The following FMNL1 variants were observed in gnomAD, a reference collection of about 807,000 sequenced individuals.
The protein encoded by FMNL1 is formin-like protein 1.
FMNL1 carries 43 observed loss-of-function variants against 121.3 expected under a neutral mutation model. The observed-to-expected ratio is 0.35, with a 90% CI of 0.28 to 0.46. The LOEUF (loss-of-function observed/expected upper bound fraction) is 0.46. Ranked by LOEUF, FMNL1 falls within the 20% of genes least tolerant of loss-of-function variation. The pLI, the probability that FMNL1 is intolerant of heterozygous loss-of-function variation, is 1.00. For synonymous variants in FMNL1, 613 were observed against 613.5 expected (o/e 1.00, Z 0.01); for missense variants, 1,191 against 1,482.4 (o/e 0.80, Z 3.23).
Position 45,241,853 on chromosome 17 carries a change from C to T in FMNL1, c.1592C>T (p.Ala531Val). Residue 531 changes from alanine (A) to valine (V), a missense_variant, in exon 15 of 27, where the codon GCA becomes GTA. Around this residue, in one of 4 missense-constraint regions of FMNL1, gnomAD observed 519 missense variants for 492.8 expected, o/e 1.05. Coordinates refer to ENST00000331495, the MANE Select transcript of FMNL1 (RefSeq NM_005892.4). The surrounding 1 kb of genome is among the most constrained non-coding windows in gnomAD (Gnocchi z 7.0). The stretch of plus-strand genomic sequence containing the variant: ...CGCGCCCTCGCTGGCTCAGATCTCG[C>T]ACCTGCAGCAGAGCCGGCTCCCGGA... ...VPTGSPSPDLAPAAEPAPGAA... is the reference protein window; with the variant it reads ...VPTGSPSPDLVPAAEPAPGAA... The T allele has an allele frequency of 7.0e-7, 1 of 1,434,112 alleles. No individual in the cohort carries two copies. Among genetic ancestry groups the T allele is most frequent in the Middle Eastern group, 2.5e-4 (1 of 3,930 alleles). The allele number at this position is 1,434,112 out of a possible 1,614,324, so 88.8% of individuals were successfully genotyped here. A position where few individuals can be genotyped will look rare whatever the true frequency, so the allele number is the denominator to read the frequency against.
chr17:45,231,593 G>A lies in FMNL1; in HGVS notation c.214-774G>A, dbSNP rs2043438867. On this transcript the variant is annotated intron_variant, in intron 2 of 26. Coordinates refer to ENST00000331495, the MANE Select transcript of FMNL1 (RefSeq NM_005892.4). The surrounding 1 kb of genome is among the most constrained non-coding windows in gnomAD (Gnocchi z 4.7). Reference sequence around the variant, plus strand: ...TGAGGGGTGGCTCGGCGAATCTGAGGGGTTTGGGTTGGAAGGGTGGGGGCC... The same window carrying A: ...TGAGGGGTGGCTCGGCGAATCTGAGAGGTTTGGGTTGGAAGGGTGGGGGCC... Among the ~76,000 whole-genome samples the A allele has an allele frequency of 6.6e-6, 1 of 152,148 alleles. No individual in the cohort carries two copies. The highest frequency in any genetic ancestry group is 6.5e-5 in the Admixed American group (1 of 15,284).
At chr17:45,239,895 A>G (rs2043645055) in intron 11 of FMNL1, among the ~76,000 whole-genome samples, 1 of 150,844 alleles carries the variant, frequency 6.6e-6, no homozygotes, top group African/African-American at 2.5e-5. Flanking sequence ...TCCCGGGTTC[A>G]AGTGATTTTC....
chr17:45,237,400 C>T lies in FMNL1; in HGVS notation c.800+43C>T, dbSNP rs1218157131. 1 of 1,612,458 alleles carries T rather than the reference C, an allele frequency of 6.2e-7. No individual in the cohort carries two copies. The highest frequency in any genetic ancestry group is 1.3e-5 in the African/African-American group (1 of 74,860). On this transcript the variant is annotated intron_variant, in intron 8 of 26. Coordinates refer to ENST00000331495, the MANE Select transcript of FMNL1 (RefSeq NM_005892.4). The surrounding 1 kb of genome is among the most constrained non-coding windows in gnomAD (Gnocchi z 4.4). ...AACCTTTCTCCGTATCTAGAGTCTT[C>T]TCCTACTTAGCCCCTTGCTTACTCT... is the stretch of plus-strand genomic sequence containing the variant.
intron 24 of FMNL1, 81 bp downstream of exon 24, chr17:45,246,054 C>A: frequency 6.6e-7 from 1 of 1,517,212 alleles, no homozygotes; most frequent in East Asian, 2.3e-5. Context: ...CCCCCACACC[C>A]TCACTGTTAC....
chr17:45,245,908 A>G lies in FMNL1; in HGVS notation c.3025A>G (p.Lys1009Glu). 1 of 1,592,588 alleles carries G rather than the reference A, an allele frequency of 6.3e-7. No individual in the cohort carries two copies. The highest frequency in any genetic ancestry group is 8.5e-7 in the Non-Finnish European group (1 of 1,172,782). ...TGAGCAGGAGGTGGAACAGTGGAAA[A>G]AAGAAGCCGCTGCCCAGGAGGCAGG... ...KAEQEVEQWK[K>E]EAAAQEAGAD... is the part of the protein sequence containing the mutation. The change falls in exon 24 of 27, where the codon AAA (lysine) becomes GAA (glutamate). Residue 1009 changes from lysine to glutamate, a missense_variant. By Grantham distance (56) the Lys-to-Glu change is moderately conservative. Coordinates refer to ENST00000331495, the MANE Select transcript of FMNL1 (RefSeq NM_005892.4).
chr17:45,232,994 A>G, intron 3 of FMNL1: 1 of 640,616 alleles, frequency 1.6e-6, no homozygotes, highest in Non-Finnish European at 2.9e-6. Flanking sequence ...TTGTGTGCCC[A>G]TGTATCGGGG....
At position 45,238,602 on chromosome 17, in the gene FMNL1, A is replaced by G. The variant is rs567516862; in HGVS notation, c.933A>G (p.Glu311=). 1.2e-6 allele frequency: 2 copies of G among 1,614,124 alleles called. No homozygotes were observed. Among genetic ancestry groups the G allele is most frequent in the East Asian group, 4.5e-5 (2 of 44,880 alleles). The change falls in exon 10 of 27, where the codon GAA becomes GAG. Residue 311 remains glutamate, a synonymous_variant. Transcript: ENST00000331495. The stretch of plus-strand genomic sequence containing the variant: ...AGCACCGCTTTGAAAAGCTGATGGA[A>G]TATTTCCGGAATGAGGACAGCAACA... ...GEQHRFEKLM[E]YFRNEDSNID...
Position 45,234,093 on chromosome 17 carries a change from C to CAACG in FMNL1, c.508_511dup (p.Gly171GlufsTer87). ...CCAGGTATGACATGGAGAGCACAGA[C>CAACG]AACGGGGCTTCCAACTCAGAGAAAA... On this transcript the variant is annotated frameshift_variant, in exon 6 of 27. Transcript: ENST00000331495. LOFTEE classifies it high-confidence loss of function. 3 of 1,614,118 alleles carry CAACG rather than the reference C, an allele frequency of 1.9e-6. No individual in the cohort carries two copies. Among genetic ancestry groups the CAACG allele is most frequent in the Non-Finnish European group, 2.5e-6 (3 of 1,180,018 alleles).
intron 2 of FMNL1, 32 bp from the exon 3 acceptor site, chr17:45,232,335 G>A (rs369778426): frequency 6.2e-7 from 1 of 1,602,250 alleles, no homozygotes; most frequent in Non-Finnish European, 8.5e-7. Flanking sequence ...AGCTCTGGCT[G>A]GTTTTCTGTA....
Position 45,237,309 on chromosome 17 carries a change from C to A in FMNL1, c.752C>A (p.Pro251Gln), listed in dbSNP as rs766209725. Residue 251 changes from proline to glutamine, a missense_variant, in exon 8 of 27, where the codon CCA becomes CAA. By Grantham distance (76) the Pro-to-Gln change is moderately conservative. Transcript: ENST00000331495. The surrounding 1 kb of genome is among the most constrained non-coding windows in gnomAD (Gnocchi z 4.4). ...QSGFSLVMNHPACVNEIALSL... is the reference protein window; with the variant it reads ...QSGFSLVMNHQACVNEIALSL... Reference sequence around the variant, plus strand: ...GGCTTCAGCCTTGTCATGAACCACCCAGCCTGTGTCAATGAGATTGCTCTG... The same window carrying A: ...GGCTTCAGCCTTGTCATGAACCACCAAGCCTGTGTCAATGAGATTGCTCTG... 1 of 1,614,074 alleles carries A rather than the reference C, an allele frequency of 6.2e-7. No individual in the cohort carries two copies. Among genetic ancestry groups the A allele is most frequent in the Admixed American group, 1.7e-5 (1 of 60,000 alleles).
intron 1 of FMNL1, among the ~76,000 whole-genome samples, chr17:45,228,530 G>T (rs2043374724): frequency 1.3e-5 from 2 of 152,230 alleles, no homozygotes; most frequent in Non-Finnish European, 2.9e-5. Context: ...AAACTAATCT[G>T]TGCCTGCACC....
rs2043792074 is a variant in FMNL1, at chr17:45,244,833, T to C, written c.2532T>C (p.Phe844=). 4 of 1,613,364 alleles carry C rather than the reference T, an allele frequency of 2.5e-6. No individual in the cohort carries two copies. Among genetic ancestry groups the C allele is most frequent in the Non-Finnish European group, 3.4e-6 (4 of 1,179,620 alleles). The change falls in exon 20 of 27, where the codon TTT becomes TTC. Residue 844 remains phenylalanine, a synonymous_variant. Transcript: ENST00000331495. Reference sequence around the variant, plus strand: ...GCCTCTCCCAGATTGTCCTGGCCTTTGGCAACTACATGAACAGTAGCAAGC... The same window carrying C: ...GCCTCTCCCAGATTGTCCTGGCCTTCGGCAACTACATGAACAGTAGCAAGC... ...LRQILEIVLA[F]GNYMNSSKRG...
At chr17:45,225,690 C>A (rs1469973361) in intron 1 of FMNL1, among the ~76,000 whole-genome samples, 1 of 151,976 alleles carries the variant, frequency 6.6e-6, no homozygotes, top group Non-Finnish European at 1.5e-5. Flanking sequence ...GCTTGGGGGG[C>A]CTTTGAGGGG....
In FMNL1 at chr17:45,242,410, C is replaced by A. The variant is rs2043727034; in HGVS notation, c.1955C>A (p.Pro652His). 3.1e-6 allele frequency: 5 copies of A among 1,614,118 alleles called. No homozygotes were observed. Among genetic ancestry groups the A allele is most frequent in the East Asian group, 2.2e-5 (1 of 44,882 alleles). Residue 652 changes from proline to histidine, a missense_variant, in exon 16 of 27, where the codon CCC (proline) becomes CAC (histidine). By Grantham distance (77) the Pro-to-His change is moderately conservative. This residue lies in a region of FMNL1 where 519 missense variants were observed against 492.8 expected (regional missense o/e 1.05). Transcript: ENST00000331495. ...CTCTTGAACTGGGTGGCACTGAAAC[C>A]CAGCCAGATCACCGGCACTGTCTTC... Reference protein sequence around the residue: ...MPLLNWVALKPSQITGTVFTE... With the variant: ...MPLLNWVALKHSQITGTVFTE...
chr17:45,221,971 C>A lies in FMNL1; in HGVS notation c.-154C>A. 2.0e-6 allele frequency: 1 copy of A among 487,906 alleles called. No individual in the cohort carries two copies. The highest frequency in any genetic ancestry group is 3.0e-6 in the Non-Finnish European group (1 of 328,508). 30.2% of individuals were successfully genotyped at this position (487,906 alleles called of 1,614,324 possible). On this transcript the variant is annotated 5_prime_UTR_variant, in exon 1 of 27. Coordinates refer to ENST00000331495, the MANE Select transcript of FMNL1 (RefSeq NM_005892.4). ...GACGCCGCGCTCCGGCCCCTGCGCG[C>A]CGCTGAGCCGAGCGCCCCCCGCTGC...
In FMNL1 at chr17:45,230,620, C is replaced by T; in HGVS notation, c.146C>T (p.Pro49Leu). 1 of 1,613,842 alleles carries T rather than the reference C, an allele frequency of 6.2e-7. No individual in the cohort carries two copies. The highest frequency in any genetic ancestry group is 8.5e-7 in the Non-Finnish European group (1 of 1,179,840). ...FNRALNCMNL[P>L]PDKVQLLSQY... is the part of the protein sequence containing the mutation. The stretch of plus-strand genomic sequence containing the variant: ...TGTCCCCAGAACTGCATGAACTTGC[C>T]CCCAGACAAGGTCCAGCTGCTGAGC... The change falls in exon 2 of 27, where the codon CCC becomes CTC. Residue 49 changes from proline to leucine, a missense_variant. Physicochemically the swap from Pro to Leu is moderately conservative, Grantham distance 98. Coordinates refer to ENST00000331495, the MANE Select transcript of FMNL1 (RefSeq NM_005892.4).
In FMNL1 at chr17:45,222,016, G is replaced by A; in HGVS notation, c.-109G>A. The A allele has an allele frequency of 1.1e-6, 1 of 903,138 alleles. No homozygotes were observed. The highest frequency in any genetic ancestry group is 1.4e-6 in the Non-Finnish European group (1 of 714,994). 55.9% of individuals were successfully genotyped at this position (903,138 alleles called of 1,614,324 possible). A position where few individuals can be genotyped will look rare whatever the true frequency, so the allele number is the denominator to read the frequency against. On this transcript the variant is annotated 5_prime_UTR_variant, in exon 1 of 27. Coordinates refer to ENST00000331495, the MANE Select transcript of FMNL1 (RefSeq NM_005892.4). ...CGCTGCCGAGACCCCCGCCGCCACCGCCAGCCGCTGCCCCCTCGCCCCCGC... is the reference window on the plus strand; with the variant it reads ...CGCTGCCGAGACCCCCGCCGCCACCACCAGCCGCTGCCCCCTCGCCCCCGC...
Position 45,237,602 on chromosome 17 carries a change from A to G in FMNL1, c.857A>G (p.His286Arg). ...GCCGTGTGCTTGGTGCGGGGAGGAC[A>G]TGACATCATCCTTGCAGCCTTTGAC... The part of the protein sequence containing the change: ...LAAVCLVRGG[H>R]DIILAAFDNF... Residue 286 changes from histidine to arginine, a missense_variant, in exon 9 of 27, where the codon CAT (histidine) becomes CGT (arginine). By Grantham distance (29) the His-to-Arg change is conservative. This residue lies in a region of FMNL1 where 253 missense variants were observed against 417.5 expected (regional missense o/e 0.61). Transcript: ENST00000331495. The surrounding 1 kb of genome is among the most constrained non-coding windows in gnomAD (Gnocchi z 4.4). The G allele has an allele frequency of 6.2e-7, 1 of 1,614,172 alleles. No individual in the cohort carries two copies. The highest frequency in any genetic ancestry group is 8.5e-7 in the Non-Finnish European group (1 of 1,180,036).
chr17:45,241,781 A>G lies in FMNL1; in HGVS notation c.1586-66A>G. On this transcript the variant is annotated intron_variant, in intron 14 of 26. Transcript: ENST00000331495. This position sits in a 1 kb window ranked among gnomAD's most constrained non-coding sequence, Gnocchi z 7.0. ...GCGCATGCGTAGAGCGGAGAGGCGG[A>G]GAGGGGCCCACCCAAGTCAAGGAGC... 7.1e-7 allele frequency: 1 copy of G among 1,400,268 alleles called. No homozygotes were observed. The highest frequency in any genetic ancestry group is 9.2e-7 in the Non-Finnish European group (1 of 1,081,864). The allele number at this position is 1,400,268 out of a possible 1,614,324, so 86.7% of individuals were successfully genotyped here.
Sources: gnomAD v4.1 joint callset for allele counts (sites outside exome capture counted in the v4.1 genomes callset) on GRCh38, gnomAD v4.1.1 for gene constraint, gnomAD v4.1.1 regional missense constraint, Gnocchi (gnomAD v3.1) non-coding constraint, MANE v1.5 for transcripts, NCBI Gene and HGNC (gene_info 2026-07-23, HGNC 2026-07-21) for gene names.